The following EIF4G3 variants were observed in gnomAD, a reference collection of about 807,000 sequenced individuals.
EIF4G3 encodes eIF-4-gamma 3.
EIF4G3 carries 34 observed loss-of-function variants against 186.4 expected under a neutral mutation model. That is an observed-to-expected ratio of 0.18 (90% confidence interval 0.14 to 0.24). The LOEUF (loss-of-function observed/expected upper bound fraction) is 0.24, where lower values mean the gene tolerates loss of function less well. EIF4G3 is among the 10% of genes least tolerant of loss of function. The pLI is 1.00. For synonymous variants in EIF4G3, 673 were observed against 679.5 expected, an observed-to-expected ratio of 0.99 and a Z score of 0.15; for missense variants, 1,536 against 1,948.5, an observed-to-expected ratio of 0.79 and a Z score of 3.99.
chr1:21,054,041 G>A (rs1278437286), intron 3 of EIF4G3, among the ~76,000 whole-genome samples: 2 of 152,192 alleles, frequency 1.3e-5, no homozygotes, highest in Non-Finnish European at 1.5e-5. Context: ...GGGAAAGGTG[G>A]GGAAAAGATT....
At chr1:21,025,679 C>CT (rs1052083987) in intron 4 of EIF4G3, among the ~76,000 whole-genome samples, 2 of 152,098 alleles carry the variant, frequency 1.3e-5, no homozygotes, top group South Asian at 2.1e-4. Context: ...AATATATCAA[C>CT]TTTTTTTTCT....
intron 6 of EIF4G3, among the ~76,000 whole-genome samples, chr1:21,000,138 AAAC>A (rs1475571461): frequency 3.9e-5 from 6 of 152,110 alleles, no homozygotes; most frequent in Middle Eastern, 3.4e-3. Flanking sequence ...TAAAAAAAAA[AAAC>A]AACTACTGCT....
chr1:21,067,020 A>T (rs928261738), intron 3 of EIF4G3, among the ~76,000 whole-genome samples: 1 of 152,168 alleles, frequency 6.6e-6, no homozygotes, highest in Non-Finnish European at 1.5e-5. Flanking sequence ...AATTCAAAAG[A>T]CATTTATAAC....
chr1:21,053,512 G>C (rs1207518198), intron 3 of EIF4G3, among the ~76,000 whole-genome samples: 3 of 147,004 alleles, frequency 2.0e-5, no homozygotes, highest in African/African-American at 5.0e-5. Flanking sequence ...GAGTCCCTCT[G>C]CCCGGCCAGC....
At chr1:21,014,447 A>T (rs762285226) in intron 4 of EIF4G3, among the ~76,000 whole-genome samples, 1 of 152,030 alleles carries the variant, frequency 6.6e-6, no homozygotes, top group African/African-American at 2.4e-5. Flanking sequence ...TCTGGTAGGC[A>T]ATTTTTTGAT....
At chr1:20,853,786 C>T (rs2074065642) in intron 26 of EIF4G3, 109 bp from the exon 27 acceptor site, 1 of 756,890 alleles carries the variant, frequency 1.3e-6, no homozygotes, top group Non-Finnish European at 2.3e-6. Flanking sequence ...TCCTAACAAG[C>T]TTAGGTGACG....
chr1:21,070,968 C>T (rs2095424256), intron 3 of EIF4G3, among the ~76,000 whole-genome samples: 1 of 152,092 alleles, frequency 6.6e-6, no homozygotes, highest in African/African-American at 2.4e-5. Flanking sequence ...CCGCTACCAC[C>T]CCCTCATACC....
In EIF4G3 at chr1:21,113,629, A is replaced by G. The variant is rs559285741; in HGVS notation, c.-271-24416T>C. Among the ~76,000 whole-genome samples the G allele has an allele frequency of 2.0e-5, 3 of 152,296 alleles. No homozygotes were observed. The South Asian group carries it at 6.2e-4, about 32-fold the overall frequency. On this transcript the variant is annotated intron_variant, in intron 2 of 36. Coordinates refer to ENST00000602326, the MANE Select transcript of EIF4G3 (RefSeq NM_001391906.1). ...TTTTAAATATATCTTTCACCTGTCC[A>G]TGATTTTGTAACATCATTCATTGGT...
intron 2 of EIF4G3, among the ~76,000 whole-genome samples, chr1:21,115,315 G>C (rs545120005): frequency 5.3e-5 from 8 of 152,296 alleles, no homozygotes; most frequent in Admixed American, 5.2e-4. Context: ...CATGGGGAGA[G>C]AGGGGAATGG....
At chr1:20,985,945 C>T (rs1175740012) in intron 7 of EIF4G3, among the ~76,000 whole-genome samples, 1 of 152,158 alleles carries the variant, frequency 6.6e-6, no homozygotes, top group Non-Finnish European at 1.5e-5. Context: ...ATCCACTTGT[C>T]TCGTGTCCAT....
At position 20,981,241 on chromosome 1, in the gene EIF4G3, A is replaced by G. The variant is rs760641906; in HGVS notation, c.199-14T>C. On this transcript the variant is annotated splice_polypyrimidine_tract_variant and intron_variant, in intron 8 of 36. Coordinates refer to ENST00000602326, the MANE Select transcript of EIF4G3 (RefSeq NM_001391906.1). ...CCTCTGGAAAAACTGGGAAGGGGAG[A>G]AAAAAAAAATTTTTTTTTTTTTTTA... 21 of 1,463,272 alleles carry G rather than the reference A, an allele frequency of 1.4e-5. No homozygotes were observed. The highest frequency in any genetic ancestry group is 8.6e-5 in the African/African-American group (6 of 69,630). The allele number at this position is 1,463,272 out of a possible 1,614,324, so 90.6% of individuals were successfully genotyped here. A position where few individuals can be genotyped will look rare whatever the true frequency, so the allele number is the denominator to read the frequency against.
At chr1:21,003,955 GAAGGA>G in intron 4 of EIF4G3, 1 of 174,772 alleles carries the variant, frequency 5.7e-6, no homozygotes, top group Non-Finnish European at 1.2e-5. Flanking sequence ...ACAAAAAGAT[GAAGGA>G]AAGACTAGGT....
chr1:21,090,576 C>T (rs944780285), intron 2 of EIF4G3, among the ~76,000 whole-genome samples: 5 of 152,180 alleles, frequency 3.3e-5, no homozygotes, highest in Non-Finnish European at 7.3e-5. Context: ...ATGTCTGGCA[C>T]TGGGGTTGTT....
intron 3 of EIF4G3, among the ~76,000 whole-genome samples, chr1:21,059,198 T>G (rs2154578330): frequency 6.6e-6 from 1 of 152,232 alleles, no homozygotes; most frequent in East Asian, 1.9e-4. Flanking sequence ...AGTGAGGTCA[T>G]CTCAAAACAT....
chr1:20,883,371 C>G (rs779217852), intron 19 of EIF4G3, among the ~76,000 whole-genome samples: 1 of 152,084 alleles, frequency 6.6e-6, no homozygotes, highest in Admixed American at 6.5e-5. Flanking sequence ...GTAATCCCCG[C>G]ACTTTGGGAG....
Position 20,862,273 on chromosome 1 carries a change from T to C in EIF4G3, c.3066A>G (p.Ser1022=). 1.2e-6 allele frequency: 2 copies of C among 1,612,924 alleles called. No individual in the cohort carries two copies. The highest frequency in any genetic ancestry group is 1.7e-6 in the Non-Finnish European group (2 of 1,179,418). Residue 1022 remains serine, a synonymous_variant, in exon 23 of 37, where the codon TCA becomes TCG. Transcript: ENST00000602326. ...CTTGAAGCATGAACCGAATCCTAGA[T>C]GAGGTTTTTCTTTCTTTCACAATTT... ...MEKIVKERKT[S]SRIRFMLQDV...
At chr1:21,148,350 G>A (rs1334299625) in intron 2 of EIF4G3, among the ~76,000 whole-genome samples, 2 of 151,838 alleles carry the variant, frequency 1.3e-5, no homozygotes, top group African/African-American at 4.8e-5. Context: ...GTTATTACAC[G>A]CATGAGCCAC....
chr1:20,822,056 T>G (rs1042729787), intron 33 of EIF4G3, among the ~76,000 whole-genome samples: 1 of 152,120 alleles, frequency 6.6e-6, no homozygotes, highest in Admixed American at 6.5e-5. Flanking sequence ...TTTTGTATTT[T>G]TAGTAGAGAC....
At chr1:21,095,077 T>C (rs1044274319) in intron 2 of EIF4G3, among the ~76,000 whole-genome samples, 2 of 152,268 alleles carry the variant, frequency 1.3e-5, no homozygotes, top group South Asian at 4.1e-4. Flanking sequence ...AAAAACCCTA[T>C]TGGAAAGCAA....
Sources: gnomAD v4.1 joint callset for allele counts (sites outside exome capture counted in the v4.1 genomes callset) on GRCh38, gnomAD v4.1.1 for gene constraint, MANE v1.5 for transcripts, NCBI Gene and HGNC (gene_info 2026-07-23, HGNC 2026-07-21) for gene names.